TERT: variants seen among roughly 807,000 people sequenced by gnomAD.
TERT encodes telomerase catalytic subunit.
TERT carries 42 observed loss-of-function variants against 104.0 expected under a neutral mutation model. The observed-to-expected ratio is 0.40, with a 90% confidence interval of 0.32 to 0.52. The LOEUF is 0.52. TERT is among the 20% of genes least tolerant of loss of function. The pLI is 0.43. For missense variants in TERT, 1,101 were observed against 1,610.3 expected (o/e 0.68, Z 5.41); for synonymous variants, 781 against 725.6 (o/e 1.08, Z -1.23).
intron 9 of TERT, among the ~76,000 whole-genome samples, 156 bp from the exon 10 acceptor site, chr5:1,266,691 C>T (rs191310363): frequency 1.3e-5 from 2 of 152,204 alleles, no homozygotes; most frequent in Admixed American, 6.5e-5. Flanking sequence ...TTCCAACAGA[C>T]GAGCTCTCTA....
chr5:1,260,588 G>T lies in TERT; in HGVS notation c.2856C>A (p.Thr952=). The change falls in exon 12 of 16, where the codon ACC becomes ACA. Residue 952 remains threonine, a synonymous_variant. Coordinates refer to ENST00000310581, the MANE Select transcript of TERT (RefSeq NM_198253.3). ...TGAAGGTGAGACTGGCTCTGATGGA[G>T]GTCCGGGCATAGCTGAGACACAGGG... ...VQSDYSSYAR[T]SIRASLTFNR... 6.2e-7 allele frequency: 1 copy of T among 1,614,100 alleles called. No individual in the cohort carries two copies. The highest frequency in any genetic ancestry group is 8.5e-7 in the Non-Finnish European group (1 of 1,179,994).
In TERT at chr5:1,270,972, G is replaced by C. The variant is rs1748986219; in HGVS notation, c.2468+147C>G. On this transcript the variant is annotated intron_variant, in intron 8 of 15. Coordinates refer to ENST00000310581, the MANE Select transcript of TERT (RefSeq NM_198253.3). The surrounding 1 kb of genome is among the most constrained non-coding windows in gnomAD (Gnocchi z 8.3). ...GGGGCCTCGGGAGCCTGCAGCCCAG[G>C]AGCCGGAGGGGGCGGGGGCCAGAAA... is the stretch of plus-strand genomic sequence containing the variant. 1 of 664,122 alleles carries C rather than the reference G, an allele frequency of 1.5e-6. No homozygotes were observed. Among genetic ancestry groups the C allele is most frequent in the African/African-American group, 1.8e-5 (1 of 55,360 alleles). The allele number at this position is 664,122 out of a possible 1,614,324, so 41.1% of individuals were successfully genotyped here.
intron 2 of TERT, among the ~76,000 whole-genome samples, chr5:1,289,278 A>G (rs960608829): frequency 2.1e-5 from 3 of 144,966 alleles, no homozygotes; most frequent in Non-Finnish European, 1.5e-5. Context: ...TACACCTGAG[A>G]GGGACACCCA....
intron 4 of TERT, 81 bp from the exon 5 acceptor site, chr5:1,279,551 G>A: frequency 7.0e-7 from 1 of 1,418,456 alleles, no homozygotes; most frequent in Non-Finnish European, 9.7e-7. Context: ...CAGGGGAGAA[G>A]CAGCCCCTCC....
At position 1,268,587 on chromosome 5, in the gene TERT, T is replaced by C; in HGVS notation, c.2515A>G (p.Thr839Ala). The change falls in exon 9 of 16, where the codon ACG becomes GCG. Residue 839 changes from threonine to alanine, a missense_variant. Physicochemically the swap from Thr to Ala is moderately conservative, Grantham distance 58. This residue lies in a region of TERT where 463 missense variants were observed against 797.5 expected (regional missense o/e 0.58). Coordinates refer to ENST00000310581, the MANE Select transcript of TERT (RefSeq NM_198253.3). The surrounding 1 kb of genome is among the most constrained non-coding windows in gnomAD (Gnocchi z 5.5). ...CCGTAGCACAGGCTGCAGAGCAGCG[T>C]GGAGAGGATGGAGCCCTGCGGGATC... is the stretch of plus-strand genomic sequence containing the variant. The part of the protein sequence containing the change: ...QGIPQGSILS[T>A]LLCSLCYGDM... The C allele has an allele frequency of 6.2e-7, 1 of 1,613,264 alleles. No individual in the cohort carries two copies. Among genetic ancestry groups the C allele is most frequent in the Non-Finnish European group, 8.5e-7 (1 of 1,179,986 alleles).
intron 3 of TERT, 43 bp downstream of exon 3, chr5:1,282,386 C>T (rs544560957): frequency 1.8e-5 from 29 of 1,604,680 alleles, no homozygotes; most frequent in Middle Eastern, 1.7e-4. Flanking sequence ...GGCTGGTGTT[C>T]CAGGACTTCG....
rs34677523 is a variant in TERT, at chr5:1,288,768, G to A, written c.1573+4545C>T. Reference sequence around the variant, plus strand: ...CCAGCCTCGGCATGAGACAAGCTGGGAGAGGAGTATTGGCAGCATGCATGT... The same window carrying A: ...CCAGCCTCGGCATGAGACAAGCTGGAAGAGGAGTATTGGCAGCATGCATGT... On this transcript the variant is annotated intron_variant, in intron 2 of 15. Coordinates refer to ENST00000310581, the MANE Select transcript of TERT (RefSeq NM_198253.3). The surrounding 1 kb of genome is among the most constrained non-coding windows in gnomAD (Gnocchi z 5.3). Among the ~76,000 whole-genome samples, 917 of 152,314 alleles carry A rather than the reference G, an allele frequency of 6.0e-3. 7 individuals carry two copies. The highest frequency in any genetic ancestry group is 9.8e-3 in the Non-Finnish European group (667 of 68,030).
Position 1,286,629 on chromosome 5 carries a change from G to A in TERT, c.1574-4005C>T, listed in dbSNP as rs528890763. ...ACGGTGGCTTGCACCTGTAATCCCA[G>A]CACTGTGGGAGGCCAAGGCGGGCAG... On this transcript the variant is annotated intron_variant, in intron 2 of 15. Coordinates refer to ENST00000310581, the MANE Select transcript of TERT (RefSeq NM_198253.3). This position sits in a 1 kb window ranked among gnomAD's most constrained non-coding sequence, Gnocchi z 5.3. Among the ~76,000 whole-genome samples, 3 of 152,280 alleles carry A rather than the reference G, an allele frequency of 2.0e-5. No homozygotes were observed. Among genetic ancestry groups the A allele is most frequent in the Admixed American group, 2.0e-4 (3 of 15,288 alleles).
At chr5:1,281,687 C>CT (rs1190480021) in intron 3 of TERT, among the ~76,000 whole-genome samples, 3 of 151,946 alleles carry the variant, frequency 2.0e-5, no homozygotes, top group Non-Finnish European at 4.4e-5. Flanking sequence ...TCCCCAGGTG[C>CT]TCCCTGCACA....
Position 1,266,473 on chromosome 5 carries a change from G to T in TERT, c.2645C>A (p.Thr882Asn). 1.2e-6 allele frequency: 2 copies of T among 1,609,132 alleles called. No individual in the cohort carries two copies. The highest frequency in any genetic ancestry group is 2.2e-5 in the East Asian group (1 of 44,814). Reference sequence around the variant, plus strand: ...ACGGCACGGGCCTCACCTGAGGAAGGTTTTCGCGTGGGTGAGGTGAGGTGT... The same window carrying T: ...ACGGCACGGGCCTCACCTGAGGAAGTTTTTCGCGTGGGTGAGGTGAGGTGT... ...LVTPHLTHAK[T>N]FLRTLVRGVP... The change falls in exon 10 of 16, where the codon ACC becomes AAC. Residue 882 changes from threonine to asparagine, a missense_variant. Coordinates refer to ENST00000310581, the MANE Select transcript of TERT (RefSeq NM_198253.3).
chr5:1,289,708 G>C (rs1750748034), intron 2 of TERT, among the ~76,000 whole-genome samples: 1 of 109,788 alleles, frequency 9.1e-6, no homozygotes. Flanking sequence ...AGGGACACCC[G>C]GGGACGGCGC....
chr5:1,253,604 T>G lies in TERT; in HGVS notation c.*124A>C, dbSNP rs1216406204. The G allele has an allele frequency of 1.7e-5, 14 of 804,272 alleles. 1 individual carries two copies. The Admixed American group carries it at 2.9e-4, about 17-fold the overall frequency. The allele number at this position is 804,272 out of a possible 1,614,324, so 49.8% of individuals were successfully genotyped here. ...ATGCAGGCCTCGGCCAAACACTCAC[T>G]CAGGCCTCAGACTCCCAGCGGTGCG... On this transcript the variant is annotated 3_prime_UTR_variant, in exon 16 of 16. Transcript: ENST00000310581.
intron 7 of TERT, among the ~76,000 whole-genome samples, 189 bp downstream of exon 7, chr5:1,271,996 G>C (rs1376270113): frequency 6.6e-6 from 1 of 152,270 alleles, no homozygotes; most frequent in African/African-American, 2.4e-5. Flanking sequence ...GAATGCAGCA[G>C]CTGTCGCAGC....
rs1751293669 is a variant in TERT at position 1,294,866 on chromosome 5, C to G, written c.124G>C (p.Gly42Arg). The change falls in exon 1 of 16, where the codon GGG becomes CGG. Residue 42 changes from glycine (G) to arginine (R), a missense_variant. By Grantham distance (125) the Gly-to-Arg change is moderately radical. Transcript: ENST00000310581. ...AGCGCGCGGAAAGCCGCCGGGTCCC[C>G]GCGCTGCACCAGCCGCCAGCCCTGG... Reference protein sequence around the residue: ...GPQGWRLVQRGDPAAFRALVA... With the variant: ...GPQGWRLVQRRDPAAFRALVA... 2.1e-6 allele frequency: 3 copies of G among 1,447,252 alleles called. No homozygotes were observed. Among genetic ancestry groups the G allele is most frequent in the Non-Finnish European group, 1.8e-6 (2 of 1,107,582 alleles). The allele number at this position is 1,447,252 out of a possible 1,614,324, so 89.7% of individuals were successfully genotyped here.
Position 1,268,392 on chromosome 5 carries a change from C to A in TERT, c.2582+128G>T, listed in dbSNP as rs1313075247. On this transcript the variant is annotated intron_variant, in intron 9 of 15. Coordinates refer to ENST00000310581, the MANE Select transcript of TERT (RefSeq NM_198253.3). The surrounding 1 kb of genome is among the most constrained non-coding windows in gnomAD (Gnocchi z 5.5). ...CGTGCGGCTTCATACCAAGAAGGGG[C>A]TGCAACCTTGTCTGGTTCCTCAAGA... 1 of 754,772 alleles carries A rather than the reference C, an allele frequency of 1.3e-6. No individual in the cohort carries two copies. The highest frequency in any genetic ancestry group is 1.7e-5 in the South Asian group (1 of 58,810). 46.8% of individuals were successfully genotyped at this position (754,772 alleles called of 1,614,324 possible). A position where few individuals can be genotyped will look rare whatever the true frequency, so the allele number is the denominator to read the frequency against.
chr5:1,274,871 A>T lies in TERT; in HGVS notation c.2287-2591T>A, dbSNP rs1032399950. On this transcript the variant is annotated intron_variant, in intron 6 of 15. Coordinates refer to ENST00000310581, the MANE Select transcript of TERT (RefSeq NM_198253.3). The surrounding 1 kb of genome is among the most constrained non-coding windows in gnomAD (Gnocchi z 5.3). ...CAAGGAGCCGGAAAAACAACAATAA[A>T]CAAAGCCTAAAGGAAATGGAAGGAG... 1.3e-5 allele frequency among the ~76,000 whole-genome samples: 2 copies of T among 152,232 alleles called. No individual in the cohort carries two copies. The highest frequency in any genetic ancestry group is 1.3e-4 in the Admixed American group (2 of 15,280).
chr5:1,260,696 G>A (rs557652721), intron 11 of TERT, 96 bp from the exon 12 acceptor site: 39 of 1,558,514 alleles, frequency 2.5e-5, no homozygotes, highest in African/African-American at 9.5e-5. Flanking sequence ...CCTTCCTCCC[G>A]CTTCCTTGTC....
Position 1,292,447 on chromosome 5 carries a change from G to C in TERT, c.1573+866C>G, listed in dbSNP as rs572897738. 3.9e-5 allele frequency among the ~76,000 whole-genome samples: 6 copies of C among 152,208 alleles called. No individual in the cohort carries two copies. Among genetic ancestry groups the C allele is most frequent in the African/African-American group, 1.4e-4 (6 of 41,522 alleles). On this transcript the variant is annotated intron_variant, in intron 2 of 15. Transcript: ENST00000310581. This position sits in a 1 kb window ranked among gnomAD's most constrained non-coding sequence, Gnocchi z 5.5. The stretch of plus-strand genomic sequence containing the variant: ...TGGCCCTCTTCATACCTAAAGATGG[G>C]ACCAGGATCTGTGCTGGAGAACAGT...
rs1751258801 is a variant in TERT at position 1,294,534 on chromosome 5, T to A, written c.352A>T (p.Ser118Cys). Reference protein sequence around the residue: ...RGGPPEAFTTSVRSYLPNTVT... With the variant: ...RGGPPEAFTTCVRSYLPNTVT... ...GTGTTGGGCAGGTAGCTGCGCACGC[T>A]GGTGGTGAAGGCCTCGGGGGGGCCC... is the stretch of plus-strand genomic sequence containing the variant. The change falls in exon 2 of 16, where the codon AGC becomes TGC. Residue 118 changes from serine (S) to cysteine (C), a missense_variant. Around this residue, in one of 5 missense-constraint regions of TERT, gnomAD observed 47 missense variants for 105.3 expected, o/e 0.45. Transcript: ENST00000310581. 5.7e-6 allele frequency: 9 copies of A among 1,578,692 alleles called. No homozygotes were observed. Among genetic ancestry groups the A allele is most frequent in the Non-Finnish European group, 7.7e-6 (9 of 1,170,254 alleles).
Sources: allele counts gnomAD v4.1 joint callset (sites outside exome capture counted in the v4.1 genomes callset), GRCh38; gene constraint gnomAD v4.1.1; regional missense constraint gnomAD v4.1.1; non-coding constraint Gnocchi (gnomAD v3.1); transcripts MANE v1.5; gene names NCBI Gene and HGNC (gene_info 2026-07-23, HGNC 2026-07-21).